The following LZTFL1 variants were observed in gnomAD, a reference collection of about 807,000 sequenced individuals.
LZTFL1 encodes the protein leucine zipper transcription factor-like protein 1.
LZTFL1 carries 25 observed loss-of-function variants against 45.9 expected under a neutral mutation model. That is an observed-to-expected ratio of 0.54 (90% CI 0.40 to 0.76). LZTFL1 has a LOEUF of 0.76. Among genes scored for constraint, LZTFL1 ranks in the 30% least tolerant of loss-of-function variants. The pLI, the probability that LZTFL1 is intolerant of heterozygous loss-of-function variation, is 0.00. For missense variants in LZTFL1, 277 were observed against 331.1 expected (o/e 0.84, Z 1.27); for synonymous variants, 93 against 117.4 (o/e 0.79, Z 1.35).
chr3:45,906,863 C>G (rs990781032), intron 2 of LZTFL1, among the ~76,000 whole-genome samples: 5 of 152,240 alleles, frequency 3.3e-5, no homozygotes. Context: ...TTCCTCTTCT[C>G]CCTGCCCCAT....
At chr3:45,855,350 T>C (rs1242136508) in intron 3 of LZTFL1, among the ~76,000 whole-genome samples, 1 of 152,086 alleles carries the variant, frequency 6.6e-6, no homozygotes, top group African/African-American at 2.4e-5. Context: ...AGGCCTTCAA[T>C]AAAATTCAAC....
At chr3:45,839,331 A>G (rs1575261057) in intron 1 of LZTFL1, among the ~76,000 whole-genome samples, 1 of 152,030 alleles carries the variant, frequency 6.6e-6, no homozygotes, top group Admixed American at 6.5e-5. Context: ...CTCGTGATCC[A>G]CCTGCCTCGG....
chr3:45,912,989 A>G, intron 2 of LZTFL1: 1 of 903,206 alleles, frequency 1.1e-6, no homozygotes, highest in Non-Finnish European at 1.6e-6. Flanking sequence ...TGGTTTATGG[A>G]AAAGCTTTTT....
Position 45,877,818 on chromosome 3 carries a change from G to A in LZTFL1, c.-214-18802C>T, listed in dbSNP as rs1014056006. ...TGGAGTGCAGTGGCTTGATCTTGGC[G>A]CACTGCAACCTCTGCCTCCCAGGTT... On this transcript the variant is annotated intron_variant, in intron 2 of 4. Transcript: ENST00000472635. 7.6e-4 allele frequency among the ~76,000 whole-genome samples: 112 copies of A among 147,514 alleles called. 1 individual carries two copies. Among genetic ancestry groups the A allele is most frequent in the Non-Finnish European group, 9.6e-4 (64 of 66,742 alleles).
intron 2 of LZTFL1, chr3:45,897,512 A>C (rs905510989): frequency 3.2e-6 from 4 of 1,258,262 alleles, no homozygotes; most frequent in Admixed American, 2.0e-5. Context: ...AAGCTGGGTC[A>C]CCCAGGTCCT....
At chr3:45,875,467 C>T (rs1458390885) in intron 2 of LZTFL1, among the ~76,000 whole-genome samples, 1 of 147,460 alleles carries the variant, frequency 6.8e-6, no homozygotes, top group Non-Finnish European at 1.5e-5. Context: ...GCTATATGAC[C>T]TTGGACAAAT....
chr3:45,880,223 G>C (rs1051000784), intron 2 of LZTFL1, among the ~76,000 whole-genome samples: 1 of 152,234 alleles, frequency 6.6e-6, no homozygotes, highest in Non-Finnish European at 1.5e-5. Flanking sequence ...TGGAAATCAG[G>C]CTAGGCGAGG....
chr3:45,854,166 C>T (rs574187953), intron 4 of LZTFL1, among the ~76,000 whole-genome samples: 1 of 152,320 alleles, frequency 6.6e-6, no homozygotes, highest in South Asian at 2.1e-4. Context: ...ATTGGTATCC[C>T]TTGAAAATTC....
intron 4 of LZTFL1, among the ~76,000 whole-genome samples, chr3:45,852,593 A>G (rs78188982): frequency 0.022 from 3,309 of 152,330 alleles, 124 homozygotes; most frequent in African/African-American, 0.075. Context: ...TCCCATTTTT[A>G]TAAACACACA....
intron 2 of LZTFL1, among the ~76,000 whole-genome samples, chr3:45,879,130 C>T (rs913704495): frequency 6.6e-5 from 10 of 152,144 alleles, no homozygotes; most frequent in Non-Finnish European, 1.3e-4. Context: ...ATACTCTCAC[C>T]GTATGATCTA....
At chr3:45,878,709 T>C (rs148123092) in intron 2 of LZTFL1, among the ~76,000 whole-genome samples, 87 of 151,484 alleles carry the variant, frequency 5.7e-4, no homozygotes, top group African/African-American at 1.9e-3. Flanking sequence ...ATGTTATCCA[T>C]AATATACAAA....
chr3:45,879,230 A>G (rs897282724), intron 2 of LZTFL1, among the ~76,000 whole-genome samples: 1 of 152,242 alleles, frequency 6.6e-6, no homozygotes, highest in Non-Finnish European at 1.5e-5. Context: ...AACTTTATTC[A>G]TAATTGCCCA....
intron 2 of LZTFL1, chr3:45,883,780 G>A: frequency 1.8e-6 from 1 of 563,418 alleles, no homozygotes; most frequent in Non-Finnish European, 3.3e-6. Context: ...ACACAGTCAG[G>A]AACAACTTGT....
chr3:45,861,797 A>G (rs1307271273), intron 2 of LZTFL1, among the ~76,000 whole-genome samples: 1 of 152,218 alleles, frequency 6.6e-6, no homozygotes, highest in Admixed American at 6.5e-5. Flanking sequence ...AGTGTAACTA[A>G]GTAGAAGAAT....
chr3:45,888,695 C>G (rs1702056227), intron 2 of LZTFL1, among the ~76,000 whole-genome samples: 1 of 152,166 alleles, frequency 6.6e-6, no homozygotes, highest in African/African-American at 2.4e-5. Context: ...GGGATTTTCC[C>G]CCCTATATTT....
chr3:45,827,599 C>T (rs1700702496), intron 8 of LZTFL1, 140 bp from the exon 9 acceptor site: 1 of 610,152 alleles, frequency 1.6e-6, no homozygotes, highest in South Asian at 2.0e-5. Flanking sequence ...TTAAAGGACA[C>T]ATTTATATAA....
upstream of LZTFL1, among the ~76,000 whole-genome samples, chr3:45,845,610 A>G (rs1701206227): frequency 6.6e-6 from 1 of 152,214 alleles, no homozygotes; most frequent in African/African-American, 2.4e-5. Flanking sequence ...ATATACTGAC[A>G]GCTTATACAA....
At position 45,902,459 on chromosome 3, in the gene LZTFL1, T is replaced by G. The variant is rs1189720019; in HGVS notation, c.-215+10661A>C. On this transcript the variant is annotated intron_variant, in intron 2 of 4. Coordinates refer to the LZTFL1 transcript ENST00000472635. Reference sequence around the variant, plus strand: ...CCTAATTTCCTTCTGTTCTCCTTGTTCTGTTCTGGGCCAGTGAAGGTCCTT... The same window carrying G: ...CCTAATTTCCTTCTGTTCTCCTTGTGCTGTTCTGGGCCAGTGAAGGTCCTT... The G allele has an allele frequency of 2.4e-5, 4 of 167,880 alleles. 1 individual carries two copies. Among genetic ancestry groups the G allele is most frequent in the Admixed American group, 6.5e-5 (1 of 15,360 alleles). 10.4% of individuals were successfully genotyped at this position (167,880 alleles called of 1,614,324 possible).
intron 2 of LZTFL1, 112 bp downstream of exon 2, chr3:45,837,815 T>C (rs1160031421): frequency 3.4e-6 from 4 of 1,170,950 alleles, no homozygotes; most frequent in African/African-American, 3.1e-5. Context: ...TAGCAAATAA[T>C]TGATCATGAT....
Sources: gnomAD v4.1 joint callset for allele counts (sites outside exome capture counted in the v4.1 genomes callset) on GRCh38, gnomAD v4.1.1 for gene constraint, MANE v1.5 for transcripts, NCBI Gene and HGNC (gene_info 2026-07-23, HGNC 2026-07-21) for gene names.